The following ROBO2 variants were observed in gnomAD, a reference collection of about 807,000 sequenced individuals.
ROBO2 encodes roundabout homolog 2.
A neutral mutation model predicts 160.8 loss-of-function variants in ROBO2; 53 were observed. That is an observed-to-expected ratio of 0.33 (90% CI 0.26 to 0.41). The LOEUF is 0.41. ROBO2 is among the 10% of genes least tolerant of loss of function. The pLI is 1.00. For missense variants in ROBO2, 1,577 were observed against 1,722.4 expected, an observed-to-expected ratio of 0.92 and a Z score of 1.49; for synonymous variants, 664 against 611.7, an observed-to-expected ratio of 1.09 and a Z score of -1.26.
At chr3:77,074,209 G>A (rs1578738468) in intron 1 of ROBO2, among the ~76,000 whole-genome samples, 1 of 152,162 alleles carries the variant, frequency 6.6e-6, no homozygotes, top group South Asian at 2.1e-4. Flanking sequence ...ACAAATGTTA[G>A]TGGGTGAGGT....
chr3:76,798,113 G>GAA lies in ROBO2; in HGVS notation c.110-299900_110-299899dup, dbSNP rs1421584444. Among the ~76,000 whole-genome samples, 397 of 98,112 alleles carry GAA rather than the reference G, an allele frequency of 4.0e-3. 8 individuals carry two copies. Among genetic ancestry groups the GAA allele is most frequent in the African/African-American group, 0.015 (377 of 25,846 alleles). The allele number at this position is 98,112 out of a possible 152,430, so 64.4% of individuals were successfully genotyped here. ...ACAAAGACACATTAAAAAAAAGAAA[G>GAA]AAGAGAAAGAAGAAAGAAAGAAGAA... On this transcript the variant is annotated intron_variant, in intron 2 of 26. Coordinates refer to the ROBO2 transcript ENST00000487694.
chr3:77,535,613 A>G (rs1468756160), intron 6 of ROBO2, among the ~76,000 whole-genome samples: 1 of 152,150 alleles, frequency 6.6e-6, no homozygotes, highest in Non-Finnish European at 1.5e-5. Flanking sequence ...TTTTTATTTC[A>G]TATTAAGAGT....
intron 2 of ROBO2, among the ~76,000 whole-genome samples, chr3:76,658,323 A>G (rs746345811): frequency 4.6e-5 from 7 of 151,838 alleles, no homozygotes; most frequent in Non-Finnish European, 1.0e-4. Flanking sequence ...TACACTTCCT[A>G]TGTTGAAACT....
chr3:76,946,897 AT>A (rs2078585539), intron 2 of ROBO2, among the ~76,000 whole-genome samples: 1 of 152,156 alleles, frequency 6.6e-6, no homozygotes, highest in South Asian at 2.1e-4. Context: ...GATAGGGCTA[AT>A]TTTATTTTAT....
intron 2 of ROBO2, among the ~76,000 whole-genome samples, chr3:76,890,540 G>A (rs1424018273): frequency 6.6e-6 from 1 of 152,150 alleles, no homozygotes; most frequent in Non-Finnish European, 1.5e-5. Context: ...AATAGGGCCT[G>A]AAATTTTCTT....
intron 2 of ROBO2, among the ~76,000 whole-genome samples, chr3:76,880,721 T>C (rs2073249854): frequency 6.6e-6 from 1 of 152,120 alleles, no homozygotes. Flanking sequence ...TTGATACTCA[T>C]TTGTTAAATG....
intron 2 of ROBO2, among the ~76,000 whole-genome samples, chr3:77,337,293 C>A (rs1332173997): frequency 1.3e-5 from 2 of 152,156 alleles, no homozygotes; most frequent in East Asian, 3.9e-4. Context: ...AAAGTAATTT[C>A]TTTCTTCTTT....
chr3:76,206,509 T>C (rs1317463594), intron 2 of ROBO2, among the ~76,000 whole-genome samples: 6 of 152,130 alleles, frequency 3.9e-5, no homozygotes, highest in Non-Finnish European at 8.8e-5. Flanking sequence ...ATATAGACAC[T>C]CACATGTGTT....
chr3:77,590,162 T>G (rs1038834646), intron 17 of ROBO2, among the ~76,000 whole-genome samples: 2 of 152,166 alleles, frequency 1.3e-5, no homozygotes, highest in Admixed American at 1.3e-4. Flanking sequence ...CTTATGAAGT[T>G]AAAATTTATT....
intron 2 of ROBO2, among the ~76,000 whole-genome samples, chr3:77,168,605 C>T (rs371754725): frequency 1.3e-5 from 2 of 152,182 alleles, no homozygotes; most frequent in South Asian, 4.1e-4. Flanking sequence ...CCTATCCTCT[C>T]ATTAGAATGT....
intron 2 of ROBO2, among the ~76,000 whole-genome samples, chr3:76,211,747 A>G (rs1049290304): frequency 1.3e-5 from 2 of 152,058 alleles, no homozygotes; most frequent in Non-Finnish European, 2.9e-5. Flanking sequence ...TTCATAATTT[A>G]AAGATTCTGT....
chr3:77,168,909 G>T (rs1579591074), intron 2 of ROBO2, among the ~76,000 whole-genome samples: 1 of 152,174 alleles, frequency 6.6e-6, no homozygotes, highest in East Asian at 1.9e-4. Flanking sequence ...CTCATCTGTG[G>T]GATTGTTTTG....
At chr3:77,144,412 AT>A (rs1018834675) in intron 2 of ROBO2, among the ~76,000 whole-genome samples, 26 of 152,198 alleles carry the variant, frequency 1.7e-4, no homozygotes, top group African/African-American at 6.0e-4. Flanking sequence ...CTCTCTAACA[AT>A]TTTAAATTTC....
intron 2 of ROBO2, among the ~76,000 whole-genome samples, chr3:77,196,166 G>A (rs946181887): frequency 6.6e-6 from 1 of 152,178 alleles, no homozygotes; most frequent in African/African-American, 2.4e-5. Flanking sequence ...GACAGGTAGC[G>A]CGGTGCTCAC....
chr3:76,785,477 G>T (rs1485877075), intron 2 of ROBO2, among the ~76,000 whole-genome samples: 2 of 151,172 alleles, frequency 1.3e-5, no homozygotes, highest in Non-Finnish European at 3.0e-5. Context: ...TATTCACAGG[G>T]TAAGTATATT....
intron 2 of ROBO2, among the ~76,000 whole-genome samples, chr3:77,197,321 A>G (rs1305042221): frequency 2.0e-5 from 3 of 152,200 alleles, no homozygotes; most frequent in Non-Finnish European, 1.5e-5. Context: ...TTAATGAGCA[A>G]TAGACAACCT....
At chr3:77,176,905 G>A (rs747733297) in intron 2 of ROBO2, among the ~76,000 whole-genome samples, 2 of 151,666 alleles carry the variant, frequency 1.3e-5, no homozygotes, top group Non-Finnish European at 2.9e-5. Flanking sequence ...AATTTGATAT[G>A]GTCTGTTTGT....
intron 1 of ROBO2, among the ~76,000 whole-genome samples, chr3:75,927,653 C>A (rs1947340875): frequency 1.3e-5 from 2 of 152,174 alleles, no homozygotes; most frequent in South Asian, 4.1e-4. Context: ...TTTTAAAATC[C>A]TTTTCCCTTT....
At chr3:76,443,374 G>A (rs2077017145) in intron 2 of ROBO2, among the ~76,000 whole-genome samples, 1 of 152,032 alleles carries the variant, frequency 6.6e-6, no homozygotes, top group Non-Finnish European at 1.5e-5. Context: ...ACAGGATTTG[G>A]TACCATCCAT....
Sources: allele counts gnomAD v4.1 joint callset (sites outside exome capture counted in the v4.1 genomes callset), GRCh38; gene constraint gnomAD v4.1.1; transcripts MANE v1.5; gene names NCBI Gene and HGNC (gene_info 2026-07-23, HGNC 2026-07-21).